Variants in FSTL4 observed in about 807,000 individuals in gnomAD.
The protein encoded by FSTL4 is follistatin like 4.
A neutral mutation model predicts 78.2 loss-of-function variants in FSTL4; 28 were observed. That is an observed-to-expected ratio of 0.36 (90% CI 0.27 to 0.49). FSTL4 has a LOEUF of 0.49. Ranked by LOEUF, FSTL4 falls within the 20% of genes least tolerant of loss-of-function variation. The pLI, the probability that FSTL4 is intolerant of heterozygous loss-of-function variation, is 0.98. For missense variants in FSTL4, 922 were observed against 1,084.9 expected, an observed-to-expected ratio of 0.85 and a Z score of 2.11; for synonymous variants, 422 against 440.5, an observed-to-expected ratio of 0.96 and a Z score of 0.53.
chr5:133,711,707 C>A, the FSTL4 span, among the ~76,000 whole-genome samples: 9 of 152,186 alleles, frequency 5.9e-5, no homozygotes, highest in African/African-American at 1.7e-4. Context: ...GTCATGGACT[C>A]TTTGGGAAAA....
chr5:133,311,339 G>A (rs945816452), intron 6 of FSTL4, among the ~76,000 whole-genome samples: 4 of 152,108 alleles, frequency 2.6e-5, no homozygotes, highest in Non-Finnish European at 5.9e-5. Flanking sequence ...ACTAGTGGGC[G>A]GGGAGGAGGA....
At chr5:133,710,654 G>A in the FSTL4 span, among the ~76,000 whole-genome samples, 1 of 152,226 alleles carries the variant, frequency 6.6e-6, no homozygotes, top group Non-Finnish European at 1.5e-5. Flanking sequence ...GCCATGCAGA[G>A]GTACCCCTAG....
chr5:133,310,778 T>C (rs991629873), intron 6 of FSTL4, among the ~76,000 whole-genome samples: 3 of 152,204 alleles, frequency 2.0e-5, no homozygotes, highest in African/African-American at 7.2e-5. Flanking sequence ...GAGAGTGTTT[T>C]TGGGAATGTC....
At chr5:133,529,740 C>T (rs773927163) in intron 3 of FSTL4, among the ~76,000 whole-genome samples, 17 of 152,116 alleles carry the variant, frequency 1.1e-4, no homozygotes, top group Non-Finnish European at 2.2e-4. Context: ...AGTTCTGCTT[C>T]GTTGAAGACT....
At chr5:133,471,352 C>G (rs1358174583) in intron 3 of FSTL4, among the ~76,000 whole-genome samples, 1 of 152,124 alleles carries the variant, frequency 6.6e-6, no homozygotes, top group Non-Finnish European at 1.5e-5. Context: ...GAAGGGATTG[C>G]TCTGGTCCCA....
At chr5:133,221,891 G>GTTTTTTTTTTTTTGTTTTTTTTTTTTTT (rs1751119949) in intron 11 of FSTL4, among the ~76,000 whole-genome samples, 1 of 43,360 alleles carries the variant, frequency 2.3e-5, no homozygotes, top group African/African-American at 5.3e-5. Flanking sequence ...CTCTTTTCTA[G>GTTTTTTTTTTTTTGTTTTTTTTTTTTTT]TTTTTTTTTT....
chr5:133,428,867 C>T (rs186349102), intron 3 of FSTL4, among the ~76,000 whole-genome samples: 31 of 152,278 alleles, frequency 2.0e-4, no homozygotes, highest in African/African-American at 7.2e-4. Flanking sequence ...GAGTAAACTA[C>T]GACACACAGA....
intron 6 of FSTL4, among the ~76,000 whole-genome samples, chr5:133,310,162 G>T (rs1014006512): frequency 6.6e-6 from 1 of 151,644 alleles, no homozygotes; most frequent in Admixed American, 6.6e-5. Flanking sequence ...TTATAGTGGG[G>T]GTTAACTCAT....
chr5:133,607,034 T>C (rs1003005079), intron 1 of FSTL4, among the ~76,000 whole-genome samples: 3 of 152,146 alleles, frequency 2.0e-5, no homozygotes, highest in Non-Finnish European at 4.4e-5. Context: ...GTGTTTATAT[T>C]TCCTGTAAGA....
chr5:133,460,979 T>C (rs765581634), intron 3 of FSTL4, among the ~76,000 whole-genome samples: 3 of 152,250 alleles, frequency 2.0e-5, no homozygotes, highest in Non-Finnish European at 2.9e-5. Context: ...ATTGTATGTA[T>C]AAAGTAGTTT....
intron 2 of FSTL4, among the ~76,000 whole-genome samples, chr5:133,593,570 C>T (rs773082751): frequency 6.6e-6 from 1 of 152,078 alleles, no homozygotes; most frequent in Non-Finnish European, 1.5e-5. Flanking sequence ...GAGCCAGGGG[C>T]CAGGACAAAC....
chr5:133,209,426 G>A (rs909822281), intron 14 of FSTL4, among the ~76,000 whole-genome samples: 2 of 152,150 alleles, frequency 1.3e-5, no homozygotes, highest in Non-Finnish European at 1.5e-5. Flanking sequence ...AATCTCCAGA[G>A]GCATCCATTA....
chr5:133,418,432 G>A (rs1446193905), intron 3 of FSTL4, among the ~76,000 whole-genome samples: 2 of 152,066 alleles, frequency 1.3e-5, no homozygotes, highest in Non-Finnish European at 2.9e-5. Flanking sequence ...TATCTAAGAT[G>A]TGGATTCTTC....
the FSTL4 span, among the ~76,000 whole-genome samples, chr5:133,791,425 GAAACTAAATTCA>G: frequency 1.3e-5 from 2 of 152,104 alleles, no homozygotes. Context: ...CCCCTTGGTA[GAAACTAAATTCA>G]CATAGGAGTG....
the FSTL4 span, among the ~76,000 whole-genome samples, chr5:133,832,379 C>G: frequency 1.3e-5 from 2 of 152,072 alleles, no homozygotes; most frequent in Non-Finnish European, 2.9e-5. Flanking sequence ...TTATAAATTT[C>G]TCTAGCTGTT....
chr5:133,704,149 C>T, the FSTL4 span, among the ~76,000 whole-genome samples: 2 of 152,076 alleles, frequency 1.3e-5, no homozygotes, highest in Non-Finnish European at 2.9e-5. Context: ...AGCAGAGGGC[C>T]CTCTCTGGAG....
At chr5:133,664,518 T>C in the FSTL4 span, among the ~76,000 whole-genome samples, 2 of 152,162 alleles carry the variant, frequency 1.3e-5, no homozygotes, top group Admixed American at 1.3e-4. Flanking sequence ...TGACTCCAAA[T>C]GAATGATAGC....
chr5:133,619,576 C>G, the FSTL4 span, among the ~76,000 whole-genome samples: 5 of 152,262 alleles, frequency 3.3e-5, no homozygotes, highest in Admixed American at 6.5e-5. Context: ...GCCAAGAACC[C>G]CAAGCTGGTC....
intron 6 of FSTL4, among the ~76,000 whole-genome samples, chr5:133,280,128 C>T (rs191332573): frequency 1.3e-5 from 2 of 152,332 alleles, no homozygotes; most frequent in East Asian, 3.9e-4. Flanking sequence ...GATCATCTCT[C>T]ATATCAGCCC....
Sources: gnomAD v4.1 joint callset for allele counts (sites outside exome capture counted in the v4.1 genomes callset) on GRCh38, gnomAD v4.1.1 for gene constraint, MANE v1.5 for transcripts, NCBI Gene and HGNC (gene_info 2026-07-23, HGNC 2026-07-21) for gene names.